The following GRM1 variants were observed in gnomAD, a reference collection of about 807,000 sequenced individuals.
GRM1 encodes the protein glutamate metabotropic receptor 1.
Under a neutral mutation model 90.9 loss-of-function variants are expected in GRM1, and 33 were observed. The ratio of observed to expected loss-of-function variants is 0.36; its 90% CI spans 0.28 to 0.49. The LOEUF (loss-of-function observed/expected upper bound fraction) is 0.49. GRM1 is among the 20% of genes least tolerant of loss of function. The pLI is 0.99. For missense variants in GRM1, 1,190 were observed against 1,534.3 expected (o/e 0.78, Z 3.75); for synonymous variants, 700 against 613.2 (o/e 1.14, Z -2.09).
chr6:146,093,123 A>G (rs977950935), intron 1 of GRM1, among the ~76,000 whole-genome samples: 1 of 152,130 alleles, frequency 6.6e-6, no homozygotes, highest in Non-Finnish European at 1.5e-5. Flanking sequence ...GAGCCCATGT[A>G]TATTGCTTCA....
intron 5 of GRM1, among the ~76,000 whole-genome samples, chr6:146,384,199 T>G (rs532364165): frequency 6.6e-6 from 1 of 152,062 alleles, no homozygotes; most frequent in Non-Finnish European, 1.5e-5. Flanking sequence ...GCCACAGAAA[T>G]TAGCATAGGC....
chr6:146,284,138 G>C (rs1782678533), intron 2 of GRM1, among the ~76,000 whole-genome samples: 1 of 152,140 alleles, frequency 6.6e-6, no homozygotes, highest in Non-Finnish European at 1.5e-5. Flanking sequence ...TGCTGGCTCT[G>C]AAAAGCATGT....
At chr6:146,167,157 T>A (rs1314861872) in intron 2 of GRM1, among the ~76,000 whole-genome samples, 1 of 152,134 alleles carries the variant, frequency 6.6e-6, no homozygotes, top group Non-Finnish European at 1.5e-5. Flanking sequence ...GTCTCTTGTG[T>A]CTGATTTCTT....
intron 3 of GRM1, among the ~76,000 whole-genome samples, chr6:146,334,298 C>G (rs1784691095): frequency 6.6e-6 from 1 of 152,206 alleles, no homozygotes; most frequent in African/African-American, 2.4e-5. Context: ...TGCCTAGACC[C>G]ATCCTCTTCC....
At position 146,336,375 on chromosome 6, in the gene GRM1, G is replaced by A. The variant is rs1784772732; in HGVS notation, c.1187-15875G>A. Among the ~76,000 whole-genome samples the A allele has an allele frequency of 2.0e-5, 3 of 152,194 alleles. No individual in the cohort carries two copies. In the South Asian group the frequency reaches 6.2e-4, roughly 31 times the overall value. On this transcript the variant is annotated intron_variant, in intron 3 of 7. Coordinates refer to ENST00000282753, the MANE Select transcript of GRM1 (RefSeq NM_001278064.2). ...TAAGTAATGTCTCAGCTGGAGAGAAGCTGCAATCTGATTCCAGGAAATCCT... is the reference window on the plus strand; with the variant it reads ...TAAGTAATGTCTCAGCTGGAGAGAAACTGCAATCTGATTCCAGGAAATCCT...
chr6:146,121,531 G>A (rs1019666699), intron 1 of GRM1, among the ~76,000 whole-genome samples: 3 of 152,066 alleles, frequency 2.0e-5, no homozygotes, highest in African/African-American at 7.2e-5. Flanking sequence ...TGATGTTAGG[G>A]TGTCAATTTT....
At chr6:146,403,482 G>A (rs1306587946) in intron 7 of GRM1, among the ~76,000 whole-genome samples, 1 of 152,008 alleles carries the variant, frequency 6.6e-6, no homozygotes, top group East Asian at 1.9e-4. Context: ...CTAAGTAAAT[G>A]GATATTATTA....
At chr6:146,297,519 A>C (rs897972720) in intron 2 of GRM1, among the ~76,000 whole-genome samples, 1 of 152,154 alleles carries the variant, frequency 6.6e-6, no homozygotes, top group Non-Finnish European at 1.5e-5. Flanking sequence ...GTCAGGGGAT[A>C]CTTTGGATAC....
chr6:146,100,955 G>T (rs77716768), intron 1 of GRM1, among the ~76,000 whole-genome samples: 2 of 152,258 alleles, frequency 1.3e-5, no homozygotes, highest in African/African-American at 4.8e-5. Flanking sequence ...TTTTTAAAAA[G>T]CTGGGCATGT....
chr6:146,247,338 G>C (rs1781095109), intron 2 of GRM1, among the ~76,000 whole-genome samples: 1 of 152,158 alleles, frequency 6.6e-6, no homozygotes, highest in Non-Finnish European at 1.5e-5. Context: ...CACTAACCTA[G>C]TGATACAGCT....
In GRM1 at chr6:146,270,847, CTT is replaced by C. The variant is rs1247004860; in HGVS notation, c.951-33760_951-33759del. Among the ~76,000 whole-genome samples the C allele has an allele frequency of 2.9e-3, 376 of 128,354 alleles. 5 individuals carry two copies. Among genetic ancestry groups the C allele is most frequent in the African/African-American group, 0.01 (325 of 31,108 alleles). The allele number at this position is 128,354 out of a possible 152,430, so 84.2% of individuals were successfully genotyped here. On this transcript the variant is annotated intron_variant, in intron 2 of 7. Coordinates refer to ENST00000282753, the MANE Select transcript of GRM1 (RefSeq NM_001278064.2). ...CCTGCCTGCCTGCCTGCCTTTCTTTCTTTTTCTTTCTTTCTTTCTTTCTTTCT... is the reference window on the plus strand; with the variant it reads ...CCTGCCTGCCTGCCTGCCTTTCTTTCTTTCTTTCTTTCTTTCTTTCTTTCT...
intron 2 of GRM1, among the ~76,000 whole-genome samples, chr6:146,261,118 G>A (rs1781681231): frequency 6.6e-6 from 1 of 152,054 alleles, no homozygotes; most frequent in Non-Finnish European, 1.5e-5. Flanking sequence ...TGTACTGTGA[G>A]TGAGGAGTCA....
At chr6:146,249,584 C>T (rs569245056) in intron 2 of GRM1, among the ~76,000 whole-genome samples, 5 of 152,274 alleles carry the variant, frequency 3.3e-5, no homozygotes, top group Admixed American at 1.3e-4. Flanking sequence ...TATGGAAATA[C>T]CTGGATGCCC....
Position 146,357,346 on chromosome 6 carries a change from T to C in GRM1, c.1434-180T>C, listed in dbSNP as rs138481818. 6.5e-3 allele frequency among the ~76,000 whole-genome samples: 989 copies of C among 152,310 alleles called. 6 individuals carry two copies. Among genetic ancestry groups the C allele is most frequent in the African/African-American group, 0.022 (903 of 41,566 alleles). ...TGGATGATACACAGAGATTGAAGAA[T>C]GGAATATACACATTTGGGATAATCA... On this transcript the variant is annotated intron_variant, in intron 4 of 7. Coordinates refer to ENST00000282753, the MANE Select transcript of GRM1 (RefSeq NM_001278064.2).
chr6:146,191,535 C>T (rs1778935246), intron 2 of GRM1, among the ~76,000 whole-genome samples: 1 of 152,156 alleles, frequency 6.6e-6, no homozygotes, highest in Non-Finnish European at 1.5e-5. Context: ...AATCCTCCAT[C>T]CCTAGTTTCA....
rs555096881 is a variant in GRM1, at chr6:146,309,353, C to G, written c.1186+4507C>G. Among the ~76,000 whole-genome samples the G allele has an allele frequency of 2.6e-4, 40 of 151,390 alleles. 1 individual carries two copies. The highest frequency in any genetic ancestry group is 2.7e-4 in the Non-Finnish European group (18 of 67,866). On this transcript the variant is annotated intron_variant, in intron 3 of 7. Coordinates refer to ENST00000282753, the MANE Select transcript of GRM1 (RefSeq NM_001278064.2). The stretch of plus-strand genomic sequence containing the variant: ...GGCAGAGGTTGCAGTGAGCCGAGAT[C>G]GCGCCACTGCACTCTAGCCTGAGTG...
chr6:146,405,887 G>C (rs971921586), intron 7 of GRM1, among the ~76,000 whole-genome samples: 20 of 152,160 alleles, frequency 1.3e-4, no homozygotes, highest in African/African-American at 4.6e-4. Flanking sequence ...GTTTCAATAA[G>C]ATAGAACTTG....
At chr6:146,244,993 A>G (rs62434323) in intron 2 of GRM1, among the ~76,000 whole-genome samples, 3,794 of 152,292 alleles carry the variant, frequency 0.025, 84 homozygotes, top group Admixed American at 0.085. Flanking sequence ...AACTTAATTG[A>G]TAGTTGCTGC....
At chr6:146,362,352 G>A (rs1775510707) in intron 5 of GRM1, among the ~76,000 whole-genome samples, 1 of 152,122 alleles carries the variant, frequency 6.6e-6, no homozygotes, top group African/African-American at 2.4e-5. Flanking sequence ...CTTACACACT[G>A]TAGACTTTAG....
Sources: gnomAD v4.1 joint callset for allele counts (sites outside exome capture counted in the v4.1 genomes callset) on GRCh38, gnomAD v4.1.1 for gene constraint, MANE v1.5 for transcripts, NCBI Gene and HGNC (gene_info 2026-07-23, HGNC 2026-07-21) for gene names.